ACP6: variants seen among roughly 807,000 people sequenced by gnomAD.
ACP6 encodes the protein acid phosphatase 6, lysophosphatidic.
ACP6 carries 48 observed loss-of-function variants against 48.1 expected under a neutral mutation model. The observed-to-expected ratio is 1.00, with a 90% CI of 0.79 to 1.27. The LOEUF is 1.27. ACP6 is among the 50% of genes most tolerant of loss of function. The pLI, the probability that ACP6 is intolerant of heterozygous loss-of-function variation, is 0.00. For synonymous variants in ACP6, 172 were observed against 204.2 expected (o/e 0.84, Z 1.34); for missense variants, 485 against 529.1 (o/e 0.92, Z 0.82).
In ACP6 at chr1:147,662,242, C is replaced by T. The variant is rs587658361; in HGVS notation, c.220-2467G>A. ...AAAATTAATATTGTTTTTGTGCCTG[C>T]TAACACAATGTCCTTTCTGCAGCCC... On this transcript the variant is annotated intron_variant, in intron 1 of 9. Coordinates refer to ENST00000583509, the MANE Select transcript of ACP6 (RefSeq NM_016361.5). 3.3e-5 allele frequency among the ~76,000 whole-genome samples: 5 copies of T among 152,300 alleles called. No homozygotes were observed. The South Asian group carries it at 8.3e-4, about 25-fold the overall frequency.
At position 147,659,514 on chromosome 1, in the gene ACP6, C is replaced by G. The variant is rs781889712; in HGVS notation, c.361G>C (p.Ala121Pro). The G allele has an allele frequency of 2.7e-5, 44 of 1,614,120 alleles. No individual in the cohort carries two copies. Among genetic ancestry groups the G allele is most frequent in the Non-Finnish European group, 3.7e-5 (44 of 1,180,014 alleles). ...ATGCCCACCTTGGTCAGCTGCCCAG[C>G]AAACATGCCCCCCTAAAGTAGGGAA... is the stretch of plus-strand genomic sequence containing the variant. ...HETTLKGGMF[A>P]GQLTKVGMQQ... The change falls in exon 3 of 10, where the codon GCT becomes CCT. Residue 121 changes from alanine (A) to proline (P), a missense_variant. Transcript: ENST00000583509.
At chr1:147,648,481 C>T in intron 8 of ACP6, 70 bp from the exon 9 acceptor site, 1 of 1,563,438 alleles carries the variant, frequency 6.4e-7, no homozygotes, top group Non-Finnish European at 8.7e-7. Flanking sequence ...GGCCTGCCTC[C>T]TTTACGTAAG....
intron 7 of ACP6, chr1:147,652,099 G>T (rs782139686): frequency 3.7e-4 from 76 of 203,328 alleles, no homozygotes; most frequent in Middle Eastern, 1.8e-3. Context: ...TGTGAAAATG[G>T]TTTGCAAATT....
intron 4 of ACP6, among the ~76,000 whole-genome samples, chr1:147,656,514 G>A (rs587713825): frequency 2.8e-4 from 42 of 152,252 alleles, no homozygotes; most frequent in Admixed American, 1.2e-3. Flanking sequence ...ATCCGATGCC[G>A]CCTCCAGATA....
chr1:147,636,440 A>G (rs78670408), intron 5 of ACP6, among the ~76,000 whole-genome samples: 2,503 of 152,240 alleles, frequency 0.016, 72 homozygotes, highest in African/African-American at 0.057. Flanking sequence ...AAAGAAAGAT[A>G]CCAGAAGTGA....
At chr1:147,656,244 G>A (rs782356041) in intron 4 of ACP6, among the ~76,000 whole-genome samples, 3 of 152,282 alleles carry the variant, frequency 2.0e-5, no homozygotes, top group Non-Finnish European at 4.4e-5. Flanking sequence ...ACCAGCAGTC[G>A]CCCTGGGAAG....
At chr1:147,657,304 C>T (rs1356178381) in intron 4 of ACP6, among the ~76,000 whole-genome samples, 1 of 152,220 alleles carries the variant, frequency 6.6e-6, no homozygotes, top group Non-Finnish European at 1.5e-5. Flanking sequence ...GCTTTCCCCA[C>T]AGCCTGATTC....
At chr1:147,657,508 C>T in intron 4 of ACP6, among the ~76,000 whole-genome samples, 1 of 152,092 alleles carries the variant, frequency 6.6e-6, no homozygotes, top group South Asian at 2.1e-4. Flanking sequence ...GCAACCTCCG[C>T]CTCCCGAGTT....
At chr1:147,669,771 A>C (rs1660987930) in intron 1 of ACP6, 59 bp downstream of exon 1, 5 of 1,471,868 alleles carry the variant, frequency 3.4e-6, no homozygotes, top group Non-Finnish European at 4.6e-6. Flanking sequence ...TCAGGGCGAG[A>C]CTCCTGGCCT....
In ACP6 at chr1:147,664,785, T is replaced by C. The variant is rs372958443; in HGVS notation, c.220-5010A>G. Among the ~76,000 whole-genome samples, 14 of 152,184 alleles carry C rather than the reference T, an allele frequency of 9.2e-5. 1 individual carries two copies. The East Asian group carries it at 1.3e-3, about 15-fold the overall frequency. Reference sequence around the variant, plus strand: ...AATGTAAATGACAGCAATACCATAATAGAAGCTGACATGTGCTGCAAGAAA... The same window carrying C: ...AATGTAAATGACAGCAATACCATAACAGAAGCTGACATGTGCTGCAAGAAA... On this transcript the variant is annotated intron_variant, in intron 1 of 9. Coordinates refer to ENST00000583509, the MANE Select transcript of ACP6 (RefSeq NM_016361.5).
chr1:147,654,856 G>A (rs782205919), intron 5 of ACP6, among the ~76,000 whole-genome samples: 3 of 152,182 alleles, frequency 2.0e-5, no homozygotes, highest in Non-Finnish European at 2.9e-5. Flanking sequence ...TGAGAGACCG[G>A]GGTTGTCAGA....
At chr1:147,655,110 G>A in intron 5 of ACP6, 51 bp downstream of exon 5, 1 of 1,442,796 alleles carries the variant, frequency 6.9e-7, no homozygotes, top group Non-Finnish European at 9.6e-7. Context: ...TGCCAGCAAA[G>A]GTTGTAAAAG....
Position 147,633,309 on chromosome 1 carries a change from A to G in ACP6, c.461-2244T>C, listed in dbSNP as rs150173414. 2.2e-3 allele frequency among the ~76,000 whole-genome samples: 341 copies of G among 152,310 alleles called. 1 individual carries two copies. Among genetic ancestry groups the G allele is most frequent in the African/African-American group, 7.7e-3 (321 of 41,560 alleles). ...TTTCCCAAGCTAAATGCCCTGGTCCATCAATTAAGACCAATGAGATCAGGT... is the reference window on the plus strand; with the variant it reads ...TTTCCCAAGCTAAATGCCCTGGTCCGTCAATTAAGACCAATGAGATCAGGT... On this transcript the variant is annotated intron_variant, in intron 5 of 5. Coordinates refer to the ACP6 transcript ENST00000609196.
chr1:147,659,407 T>A lies in ACP6; in HGVS notation c.468A>T (p.Pro156=), dbSNP rs1553212279. The A allele has an allele frequency of 6.2e-7, 1 of 1,614,124 alleles. No individual in the cohort carries two copies. Among genetic ancestry groups the A allele is most frequent in the East Asian group, 2.2e-5 (1 of 44,880 alleles). ...DIPFLSPTFN[P]QEVFIRSTNI... is the part of the protein sequence containing the mutation. ...TTCAAGTGACTCACAAGACCTCCTGTGGGTTGAAGGTTGGTGAAAGAAAGG... is the reference window on the plus strand; with the variant it reads ...TTCAAGTGACTCACAAGACCTCCTGAGGGTTGAAGGTTGGTGAAAGAAAGG... The change falls in exon 3 of 10, where the codon CCA becomes CCT. Residue 156 remains proline, a synonymous_variant. Transcript: ENST00000583509.
At chr1:147,651,474 G>C (rs1399665659) in intron 7 of ACP6, 2 of 152,100 alleles carry the variant, frequency 1.3e-5, no homozygotes, top group African/African-American at 4.8e-5. Context: ...GCATGATCCT[G>C]ACAGCTTAAA....
chr1:147,632,508 A>C (rs1659198003), intron 5 of ACP6, among the ~76,000 whole-genome samples: 1 of 152,142 alleles, frequency 6.6e-6, no homozygotes, highest in Non-Finnish European at 1.5e-5. Flanking sequence ...ACAGAGAACA[A>C]CACGAATGAG....
At chr1:147,633,507 C>CTTT (rs1273370053) in intron 5 of ACP6, among the ~76,000 whole-genome samples, 2,315 of 147,046 alleles carry the variant, frequency 0.016, 30 homozygotes, top group East Asian at 0.023. Context: ...GCAAAAGTTT[C>CTTT]TTTTTTTTTT....
chr1:147,635,610 T>G (rs1553207895), intron 5 of ACP6, among the ~76,000 whole-genome samples: 6 of 151,760 alleles, frequency 4.0e-5, no homozygotes, highest in Non-Finnish European at 1.5e-5. Context: ...GTTGAGGGAG[T>G]GTTGAGTATG....
chr1:147,652,422 T>C, intron 7 of ACP6, 27 bp downstream of exon 7: 1 of 1,598,726 alleles, frequency 6.3e-7, no homozygotes, highest in South Asian at 1.1e-5. Context: ...CAAGCGTGAC[T>C]TCATGCCAGC....
Sources: allele counts gnomAD v4.1 joint callset (sites outside exome capture counted in the v4.1 genomes callset), GRCh38; gene constraint gnomAD v4.1.1; transcripts MANE v1.5; gene names NCBI Gene and HGNC (gene_info 2026-07-23, HGNC 2026-07-21).